GABRG3: variants seen among roughly 807,000 people sequenced by gnomAD.
GABRG3 encodes the protein gamma-aminobutyric acid type A receptor subunit gamma3.
A neutral mutation model predicts 48.8 loss-of-function variants in GABRG3; 25 were observed. The observed-to-expected ratio is 0.51, with a 90% CI of 0.37 to 0.72. The LOEUF is 0.72. Ranked by LOEUF, GABRG3 falls within the 30% of genes least tolerant of loss-of-function variation. GABRG3 has a pLI of 0.00. For synonymous variants in GABRG3, 227 were observed against 217.6 expected, an observed-to-expected ratio of 1.04 and a Z score of -0.38; for missense variants, 394 against 577.9, an observed-to-expected ratio of 0.68 and a Z score of 3.26.
chr15:27,363,304 G>A (rs762936437), intron 5 of GABRG3: 11 of 152,308 alleles, frequency 7.2e-5, no homozygotes, highest in Admixed American at 2.6e-4. Flanking sequence ...AATGGGGAAG[G>A]AGGCCAGTCC....
chr15:27,371,537 A>G lies in GABRG3; in HGVS notation c.574+42649A>G, dbSNP rs1895414990. Among the ~76,000 whole-genome samples the G allele has an allele frequency of 2.0e-5, 3 of 152,214 alleles. No individual in the cohort carries two copies. In the South Asian group the frequency reaches 6.2e-4, roughly 32 times the overall value. ...GTATTGAAGGTGGCCATATCTAGTT[A>G]ATAATGCAAATCACAATACAAGGGC... On this transcript the variant is annotated intron_variant, in intron 5 of 9. Coordinates refer to ENST00000615808, the MANE Select transcript of GABRG3 (RefSeq NM_033223.5).
At chr15:27,338,555 G>T (rs1894055767) in intron 5 of GABRG3, among the ~76,000 whole-genome samples, 1 of 152,182 alleles carries the variant, frequency 6.6e-6, no homozygotes, top group African/African-American at 2.4e-5. Context: ...ACAGGTCTGT[G>T]CAGAGTGTTG....
At chr15:27,138,841 ACTTTT>A (rs1898053593) in intron 3 of GABRG3, among the ~76,000 whole-genome samples, 1 of 152,148 alleles carries the variant, frequency 6.6e-6, no homozygotes, top group Non-Finnish European at 1.5e-5. Flanking sequence ...GGCTTTGGGA[ACTTTT>A]CTTAATTCCT....
At chr15:27,401,346 C>A (rs1348465677) in intron 5 of GABRG3, among the ~76,000 whole-genome samples, 1 of 152,118 alleles carries the variant, frequency 6.6e-6, no homozygotes, top group Non-Finnish European at 1.5e-5. Flanking sequence ...AACCAGGGTT[C>A]TATTGGCATT....
At chr15:27,118,001 T>C (rs1213390508) in intron 3 of GABRG3, among the ~76,000 whole-genome samples, 1 of 152,186 alleles carries the variant, frequency 6.6e-6, no homozygotes, top group Non-Finnish European at 1.5e-5. Context: ...TTAACCAATG[T>C]ACGGAACCAG....
intron 3 of GABRG3, among the ~76,000 whole-genome samples, chr15:27,075,367 G>T (rs929046611): frequency 2.0e-5 from 3 of 152,194 alleles, no homozygotes; most frequent in African/African-American, 7.2e-5. Context: ...GGTTTCTTGA[G>T]AAGGGAAATG....
At position 27,313,262 on chromosome 15, in the gene GABRG3, GTATATATATATATATATATATATATATA is replaced by G. The variant is rs1169926074; in HGVS notation, c.271-13526_271-13499del. Among the ~76,000 whole-genome samples, 88 of 34,568 alleles carry G rather than the reference GTATATATATATATATATATATATATATA, an allele frequency of 2.5e-3. 1 individual carries two copies. Among genetic ancestry groups the G allele is most frequent in the Admixed American group, 4.6e-3 (11 of 2,384 alleles). 22.7% of individuals were successfully genotyped at this position (34,568 alleles called of 152,430 possible). ...TATATGTGTGTGTGTGTGTGTGTGT[GTATATATATATATATATATATATATATA>G]TATATATATATATATATATACCCAA... On this transcript the variant is annotated intron_variant, in intron 3 of 9. Coordinates refer to ENST00000615808, the MANE Select transcript of GABRG3 (RefSeq NM_033223.5).
chr15:27,487,554 A>G (rs34315951), intron 6 of GABRG3, among the ~76,000 whole-genome samples: 18,922 of 152,194 alleles, frequency 0.12, 1,223 homozygotes, highest in South Asian at 0.2. Flanking sequence ...CCAGGGCCAC[A>G]AAGAGTTAAT....
chr15:27,418,361 C>T lies in GABRG3; in HGVS notation c.575-62289C>T, dbSNP rs181588363. Among the ~76,000 whole-genome samples the T allele has an allele frequency of 2.0e-4, 31 of 152,316 alleles. No individual in the cohort carries two copies. In the East Asian group the frequency reaches 3.7e-3, roughly 18 times the overall value. On this transcript the variant is annotated intron_variant, in intron 5 of 9. Transcript: ENST00000615808. ...GCAAGGCTGTCCAGGAGGAGAGGTG[C>T]GTGGCCTCAGGAAGCAGGCCTGGCC...
chr15:27,165,522 C>T (rs1037265882), intron 3 of GABRG3, among the ~76,000 whole-genome samples: 6 of 152,134 alleles, frequency 3.9e-5, no homozygotes, highest in African/African-American at 1.2e-4. Context: ...TTACATTCTC[C>T]AAAGATGTTC....
chr15:27,328,643 C>T (rs1443417624), intron 4 of GABRG3, among the ~76,000 whole-genome samples, 163 bp from the exon 5 acceptor site: 3 of 152,248 alleles, frequency 2.0e-5, no homozygotes, highest in African/African-American at 7.2e-5. Flanking sequence ...GAAAGCAACA[C>T]AGCACAGTCT....
At chr15:27,052,085 T>C (rs1274688298) in intron 3 of GABRG3, among the ~76,000 whole-genome samples, 2 of 152,196 alleles carry the variant, frequency 1.3e-5, no homozygotes, top group African/African-American at 4.8e-5. Context: ...TCCTGCTGTG[T>C]GGCCCAGTTC....
intron 5 of GABRG3, among the ~76,000 whole-genome samples, chr15:27,375,323 A>G (rs1895558716): frequency 6.6e-6 from 1 of 152,130 alleles, no homozygotes; most frequent in Non-Finnish European, 1.5e-5. Context: ...TGTTTGGGAG[A>G]AACAGAGGAT....
chr15:27,328,185 T>C (rs1398151087), intron 4 of GABRG3, among the ~76,000 whole-genome samples: 1 of 150,242 alleles, frequency 6.7e-6, no homozygotes, highest in African/African-American at 2.5e-5. Context: ...CATTGCGAGC[T>C]GGAGTTTGTA....
At chr15:27,133,308 G>A (rs1268051474) in intron 3 of GABRG3, among the ~76,000 whole-genome samples, 2 of 152,250 alleles carry the variant, frequency 1.3e-5, no homozygotes, top group East Asian at 3.9e-4. Flanking sequence ...TTTTAAACAT[G>A]TGTCCTGAAT....
intron 3 of GABRG3, among the ~76,000 whole-genome samples, chr15:27,242,890 G>C (rs182460429): frequency 1.5e-3 from 232 of 152,210 alleles, no homozygotes; most frequent in African/African-American, 5.4e-3. Flanking sequence ...ATATTGGTTG[G>C]GTTATAAATA....
intron 5 of GABRG3, among the ~76,000 whole-genome samples, chr15:27,446,557 GAAA>G (rs199681305): frequency 6.6e-6 from 1 of 151,540 alleles, no homozygotes; most frequent in African/African-American, 2.4e-5. Context: ...ATTTCTAGCA[GAAA>G]AAAAAATTTT....
At chr15:27,467,709 A>G (rs977783847) in intron 5 of GABRG3, among the ~76,000 whole-genome samples, 2 of 152,170 alleles carry the variant, frequency 1.3e-5, no homozygotes, top group African/African-American at 4.8e-5. Flanking sequence ...TTCCACATCA[A>G]CTTTCTTCTA....
chr15:27,311,712 TG>T (rs1893000028), intron 3 of GABRG3, among the ~76,000 whole-genome samples: 1 of 152,020 alleles, frequency 6.6e-6, no homozygotes, highest in African/African-American at 2.4e-5. Context: ...AACTGGCTTA[TG>T]TCTTGCTTGT....
Sources: gnomAD v4.1 joint callset for allele counts (sites outside exome capture counted in the v4.1 genomes callset) on GRCh38, gnomAD v4.1.1 for gene constraint, MANE v1.5 for transcripts, NCBI Gene and HGNC (gene_info 2026-07-23, HGNC 2026-07-21) for gene names.